Variants in NOS1AP observed in about 807,000 individuals in gnomAD.
NOS1AP encodes carboxyl-terminal PDZ ligand of neuronal nitric oxide synthase protein.
In NOS1AP, 21 loss-of-function variants were observed where a neutral mutation model predicts 56.2. The observed-to-expected ratio is 0.37, with a 90% confidence interval of 0.26 to 0.54. NOS1AP has a LOEUF of 0.54. Ranked by LOEUF, NOS1AP falls within the 20% of genes least tolerant of loss-of-function variation. NOS1AP has a pLI of 0.84. For synonymous variants in NOS1AP, 270 were observed against 274.6 expected (o/e 0.98, Z 0.17); for missense variants, 522 against 657.8 (o/e 0.79, Z 2.26).
At chr1:162,152,032 G>A (rs1649731750) in intron 1 of NOS1AP, among the ~76,000 whole-genome samples, 1 of 152,184 alleles carries the variant, frequency 6.6e-6, no homozygotes, top group Non-Finnish European at 1.5e-5. Flanking sequence ...AAAACTCGAA[G>A]CTGCCTCTTC....
chr1:162,281,336 C>A (rs1654918410), intron 2 of NOS1AP, among the ~76,000 whole-genome samples: 1 of 152,230 alleles, frequency 6.6e-6, no homozygotes, highest in Non-Finnish European at 1.5e-5. Flanking sequence ...CCACTGTCAA[C>A]TATATTCATT....
At chr1:162,268,164 C>T (rs571129518) in intron 2 of NOS1AP, among the ~76,000 whole-genome samples, 3 of 151,396 alleles carry the variant, frequency 2.0e-5, no homozygotes, top group East Asian at 1.9e-4. Context: ...GAGAGTGAGG[C>T]GTGAGAATTG....
chr1:162,081,774 A>ATATATATATATATTTTTTTTTT, intron 1 of NOS1AP, among the ~76,000 whole-genome samples: 21 of 44,040 alleles, frequency 4.8e-4, no homozygotes, highest in South Asian at 7.5e-4. Flanking sequence ...ATATATATAT[A>ATATATATATATATTTTTTTTTT]TTTTTTTTTT....
chr1:162,307,895 A>T (rs963932251), intron 4 of NOS1AP, among the ~76,000 whole-genome samples: 3 of 152,190 alleles, frequency 2.0e-5, no homozygotes, highest in African/African-American at 7.2e-5. Context: ...GAGCAAGTCA[A>T]AGTTAAATTA....
At chr1:162,219,639 A>G (rs1652702394) in intron 2 of NOS1AP, among the ~76,000 whole-genome samples, 1 of 152,242 alleles carries the variant, frequency 6.6e-6, no homozygotes, top group Non-Finnish European at 1.5e-5. Context: ...GACAATGTTA[A>G]TCTTCGAAGT....
chr1:162,147,853 A>G (rs1649545013), intron 1 of NOS1AP, among the ~76,000 whole-genome samples: 1 of 152,076 alleles, frequency 6.6e-6, no homozygotes, highest in Admixed American at 6.5e-5. Context: ...AAACTCCTTT[A>G]CCTTATTTCC....
intron 2 of NOS1AP, among the ~76,000 whole-genome samples, chr1:162,225,145 A>G (rs1652899907): frequency 6.6e-6 from 1 of 152,166 alleles, no homozygotes; most frequent in Admixed American, 6.5e-5. Flanking sequence ...TGTCAGCACA[A>G]ACTTTAGCCA....
chr1:162,309,446 T>A (rs1655955366), intron 4 of NOS1AP, among the ~76,000 whole-genome samples: 1 of 152,258 alleles, frequency 6.6e-6, no homozygotes, highest in African/African-American at 2.4e-5. Context: ...CAGTGAATTA[T>A]CTTTAAGAAT....
chr1:162,240,339 A>G (rs557332814), intron 2 of NOS1AP, among the ~76,000 whole-genome samples: 243 of 151,288 alleles, frequency 1.6e-3, no homozygotes, highest in Admixed American at 3.3e-3. Context: ...TTCTGGCCCT[A>G]TGGGCAGTAC....
At chr1:162,327,373 A>T (rs1425210867) in intron 4 of NOS1AP, among the ~76,000 whole-genome samples, 1 of 152,238 alleles carries the variant, frequency 6.6e-6, no homozygotes, top group East Asian at 1.9e-4. Context: ...GTGATTGGTC[A>T]TCTTTTGCAA....
At chr1:162,348,547 C>T (rs553679007) in intron 6 of NOS1AP, among the ~76,000 whole-genome samples, 2 of 152,288 alleles carry the variant, frequency 1.3e-5, no homozygotes, top group Admixed American at 6.5e-5. Flanking sequence ...GCTTGGCTTC[C>T]GTATACCACT....
intron 3 of NOS1AP, among the ~76,000 whole-genome samples, chr1:162,296,623 C>A (rs1321186221): frequency 1.3e-5 from 2 of 152,124 alleles, no homozygotes; most frequent in Non-Finnish European, 1.5e-5. Context: ...TTAAATTAAC[C>A]CAAGGGGCCC....
intron 2 of NOS1AP, among the ~76,000 whole-genome samples, chr1:162,171,076 G>T (rs1419813179): frequency 6.6e-6 from 1 of 152,186 alleles, no homozygotes; most frequent in Non-Finnish European, 1.5e-5. Flanking sequence ...ATGCCAACAT[G>T]CTGGGGAAGA....
Position 162,337,725 on chromosome 1 carries a change from A to G in NOS1AP, c.453+4600A>G, listed in dbSNP as rs79326365. Among the ~76,000 whole-genome samples the G allele has an allele frequency of 1.1e-3, 162 of 152,328 alleles. 5 individuals carry two copies. In the East Asian group the frequency reaches 0.03, roughly 28 times the overall value. Reference sequence around the variant, plus strand: ...GGAAAAACACAGCTATCTGTTGGAAACTTTAAGATGCAGTATGTCCTGTCA... The same window carrying G: ...GGAAAAACACAGCTATCTGTTGGAAGCTTTAAGATGCAGTATGTCCTGTCA... On this transcript the variant is annotated intron_variant, in intron 5 of 9. Coordinates refer to ENST00000361897, the MANE Select transcript of NOS1AP (RefSeq NM_014697.3).
rs372612206 is a variant in NOS1AP, at chr1:162,145,878, G to A, written c.106-8527G>A. Among the ~76,000 whole-genome samples the A allele has an allele frequency of 3.3e-5, 5 of 152,272 alleles. No individual in the cohort carries two copies. In the East Asian group the frequency reaches 5.8e-4, roughly 18 times the overall value. ...TAGACAGGGAGACCAGACTGCATTT[G>A]GGACCCCCAAGGGAGAGAGTTTGGA... On this transcript the variant is annotated intron_variant, in intron 1 of 9. Transcript: ENST00000361897.
At chr1:162,236,017 A>T (rs1653278453) in intron 2 of NOS1AP, among the ~76,000 whole-genome samples, 1 of 152,194 alleles carries the variant, frequency 6.6e-6, no homozygotes, top group African/African-American at 2.4e-5. Flanking sequence ...ATGTTAAGTG[A>T]TATTTCATGT....
chr1:162,325,988 A>G (rs1417296666), intron 4 of NOS1AP, among the ~76,000 whole-genome samples: 2 of 151,960 alleles, frequency 1.3e-5, no homozygotes, highest in Non-Finnish European at 2.9e-5. Context: ...TTGTTTCCAC[A>G]GTTTTCAAGT....
At chr1:162,261,505 AG>A (rs1396469153) in intron 2 of NOS1AP, among the ~76,000 whole-genome samples, 619 of 14,862 alleles carry the variant, frequency 0.042, 205 homozygotes, top group African/African-American at 0.062. Flanking sequence ...AGAGAGAGAG[AG>A]AGAGAGAGAG....
intron 2 of NOS1AP, among the ~76,000 whole-genome samples, chr1:162,226,376 G>T (rs1047295829): frequency 6.6e-6 from 1 of 152,192 alleles, no homozygotes; most frequent in Non-Finnish European, 1.5e-5. Flanking sequence ...CCTTGGGCTG[G>T]TATTGTGGGG....
Sources: allele counts gnomAD v4.1 joint callset (sites outside exome capture counted in the v4.1 genomes callset), GRCh38; gene constraint gnomAD v4.1.1; transcripts MANE v1.5; gene names NCBI Gene and HGNC (gene_info 2026-07-23, HGNC 2026-07-21).